The following PAPOLA variants were observed in gnomAD, a reference collection of about 807,000 sequenced individuals.
PAPOLA encodes polynucleotide adenylyltransferase alpha.
Under a neutral mutation model 100.6 loss-of-function variants are expected in PAPOLA, and 15 were observed. The ratio of observed to expected loss-of-function variants is 0.15; its 90% CI spans 0.10 to 0.23. The LOEUF is 0.23. Among genes scored for constraint, PAPOLA ranks in the 10% least tolerant of loss-of-function variants. The pLI is 1.00. For synonymous variants in PAPOLA, 293 were observed against 300.0 expected (o/e 0.98, Z 0.24); for missense variants, 533 against 884.2 (o/e 0.60, Z 5.04).
intron 12 of PAPOLA, among the ~76,000 whole-genome samples, chr14:96,538,603 A>C (rs1899729586): frequency 6.6e-6 from 1 of 152,018 alleles, no homozygotes; most frequent in African/African-American, 2.4e-5. Flanking sequence ...ACATCAGGAA[A>C]ATTTGCATTT....
At chr14:96,544,828 G>C (rs1900260545) in intron 15 of PAPOLA, among the ~76,000 whole-genome samples, 1 of 152,058 alleles carries the variant, frequency 6.6e-6, no homozygotes, top group Non-Finnish European at 1.5e-5. Flanking sequence ...TGATGACCTG[G>C]AGAAATTTTC....
intron 9 of PAPOLA, 133 bp from the exon 10 acceptor site, chr14:96,534,358 G>A (rs1566850838): frequency 6.8e-6 from 10 of 1,470,540 alleles, no homozygotes; most frequent in Non-Finnish European, 9.0e-6. Flanking sequence ...TCGTCAGAAA[G>A]GATTAAAACG....
chr14:96,560,415 G>T, intron 19 of PAPOLA: 1 of 388,786 alleles, frequency 2.6e-6, no homozygotes, highest in Admixed American at 4.3e-5. Flanking sequence ...TACTTTAGGT[G>T]GTGATCTGCA....
rs145154391 is a variant in PAPOLA at position 96,528,448 on chromosome 14, A to G, written c.495+442A>G. On this transcript the variant is annotated intron_variant, in intron 6 of 21. Coordinates refer to ENST00000216277, the MANE Select transcript of PAPOLA (RefSeq NM_032632.5). ...GACTCAAATTCTTGAGATGATGTTCATTTCTCCTTGCTGCTTTCGGTGTGT... is the reference window on the plus strand; with the variant it reads ...GACTCAAATTCTTGAGATGATGTTCGTTTCTCCTTGCTGCTTTCGGTGTGT... Among the ~76,000 whole-genome samples, 510 of 152,304 alleles carry G rather than the reference A, an allele frequency of 3.3e-3. 18 individuals are homozygous for G. Among genetic ancestry groups the G allele is most frequent in the Admixed American group, 0.029 (447 of 15,282 alleles).
chr14:96,522,330 G>C (rs931508715), intron 3 of PAPOLA, among the ~76,000 whole-genome samples: 15 of 151,680 alleles, frequency 9.9e-5, no homozygotes, highest in African/African-American at 3.6e-4. Flanking sequence ...ACGTTGACCA[G>C]CTGGTCTCAA....
chr14:96,552,908 A>C (rs1330768152), intron 17 of PAPOLA: 2 of 360,922 alleles, frequency 5.5e-6, no homozygotes, highest in Admixed American at 8.5e-5. Context: ...CTACTGCTAC[A>C]GTGCACTGTA....
At chr14:96,538,335 G>A (rs936761569) in intron 12 of PAPOLA, among the ~76,000 whole-genome samples, 7 of 151,910 alleles carry the variant, frequency 4.6e-5, no homozygotes, top group Admixed American at 4.6e-4. Context: ...CTTTAAGAAA[G>A]ATTAATGTTT....
intron 12 of PAPOLA, among the ~76,000 whole-genome samples, chr14:96,541,211 T>C (rs1357158236): frequency 6.6e-6 from 1 of 152,224 alleles, no homozygotes; most frequent in East Asian, 1.9e-4. Context: ...AAATACATTT[T>C]TTTAAAATAA....
chr14:96,518,870 A>T (rs1897700347), intron 1 of PAPOLA, among the ~76,000 whole-genome samples: 1 of 151,822 alleles, frequency 6.6e-6, no homozygotes, highest in African/African-American at 2.4e-5. Context: ...CAGCCTGGCC[A>T]ACATGGTGAA....
At chr14:96,558,600 A>T (rs1450640215) in intron 19 of PAPOLA, among the ~76,000 whole-genome samples, 1 of 152,180 alleles carries the variant, frequency 6.6e-6, no homozygotes, top group Non-Finnish European at 1.5e-5. Context: ...TTAAAAATAC[A>T]TATAAAAGAG....
chr14:96,541,158 G>T (rs1300297340), intron 12 of PAPOLA, among the ~76,000 whole-genome samples: 1 of 152,196 alleles, frequency 6.6e-6, no homozygotes, highest in Non-Finnish European at 1.5e-5. Context: ...AGAGTGCTGG[G>T]ATTACAGGCG....
rs1351778725 is a variant in PAPOLA, at chr14:96,521,078, G to A, written c.249+6G>A. 3.4e-6 allele frequency: 5 copies of A among 1,465,050 alleles called. No homozygotes were observed. Among genetic ancestry groups the A allele is most frequent in the Non-Finnish European group, 3.8e-6 (4 of 1,047,622 alleles). The allele number at this position is 1,465,050 out of a possible 1,614,324, so 90.8% of individuals were successfully genotyped here. A position where few individuals can be genotyped will look rare whatever the true frequency, so the allele number is the denominator to read the frequency against. On this transcript the variant is annotated splice_donor_region_variant and intron_variant, in intron 3 of 21. Transcript: ENST00000216277. ...GAGAAATCAGTGAAAGCAAGGTAAG[G>A]CAACTTTTTTGTATATGAAATAATT...
At chr14:96,512,831 G>C (rs536497469) in intron 1 of PAPOLA, among the ~76,000 whole-genome samples, 2 of 152,276 alleles carry the variant, frequency 1.3e-5, no homozygotes, top group South Asian at 4.1e-4. Context: ...TTCTGTGTTA[G>C]TTCTGTGAGA....
intron 16 of PAPOLA, among the ~76,000 whole-genome samples, chr14:96,551,526 ATATTT>A: frequency 6.6e-6 from 1 of 152,354 alleles, no homozygotes; most frequent in Non-Finnish European, 1.5e-5. Flanking sequence ...AAAGATAAGA[ATATTT>A]TGTTATTTGG....
At chr14:96,562,020 G>T (rs199946014) in intron 20 of PAPOLA, among the ~76,000 whole-genome samples, 4 of 151,476 alleles carry the variant, frequency 2.6e-5, no homozygotes, top group South Asian at 2.1e-4. Context: ...TCAGCCTCCC[G>T]AGTAGTGGGG....
intron 16 of PAPOLA, among the ~76,000 whole-genome samples, chr14:96,551,096 G>T (rs905202384): frequency 2.0e-5 from 3 of 152,152 alleles, no homozygotes; most frequent in African/African-American, 7.2e-5. Flanking sequence ...GAATATTTAT[G>T]ACTATTTGGC....
chr14:96,543,286 A>G (rs1416131087), intron 14 of PAPOLA, among the ~76,000 whole-genome samples: 4 of 152,096 alleles, frequency 2.6e-5, no homozygotes, highest in Non-Finnish European at 5.9e-5. Flanking sequence ...TTTGTTATGA[A>G]CTTATAAAAA....
intron 1 of PAPOLA, among the ~76,000 whole-genome samples, chr14:96,517,390 C>G (rs1045684684): frequency 1.3e-5 from 2 of 151,166 alleles, no homozygotes; most frequent in Admixed American, 1.3e-4. Context: ...GTTGCGTGCT[C>G]TTATGGCAGA....
intron 7 of PAPOLA, 192 bp downstream of exon 7, chr14:96,531,778 CTG>C: frequency 2.1e-6 from 3 of 1,442,482 alleles, no homozygotes; most frequent in Non-Finnish European, 2.7e-6. Flanking sequence ...ATTTTATACA[CTG>C]TATTTCTTCT....
Sources: allele counts gnomAD v4.1 joint callset (sites outside exome capture counted in the v4.1 genomes callset), GRCh38; gene constraint gnomAD v4.1.1; transcripts MANE v1.5; gene names NCBI Gene and HGNC (gene_info 2026-07-23, HGNC 2026-07-21).